Variants in DOCK8 observed in about 807,000 individuals in gnomAD.
DOCK8 encodes dedicator of cytokinesis 8.
DOCK8 carries 141 observed loss-of-function variants against 245.6 expected under a neutral mutation model. That is an observed-to-expected ratio of 0.57 (90% CI 0.50 to 0.66). The LOEUF (loss-of-function observed/expected upper bound fraction) is 0.66. DOCK8 is among the 30% of genes least tolerant of loss of function. The pLI, the probability that DOCK8 is intolerant of heterozygous loss-of-function variation, is 0.00. For missense variants in DOCK8, 2,965 were observed against 2,603.4 expected (o/e 1.14, Z -3.02); for synonymous variants, 1,168 against 970.2 (o/e 1.20, Z -3.79).
intron 1 of DOCK8, among the ~76,000 whole-genome samples, chr9:270,851 C>T (rs2034675104): frequency 6.6e-6 from 1 of 152,126 alleles, no homozygotes; most frequent in Admixed American, 6.5e-5. Flanking sequence ...CCTGAGAATC[C>T]AACCACCAAC....
chr9:336,955 G>A (rs2051340416), intron 12 of DOCK8, among the ~76,000 whole-genome samples: 1 of 152,162 alleles, frequency 6.6e-6, no homozygotes, highest in South Asian at 2.1e-4. Context: ...CACCCTTGGT[G>A]AGGGCTTTCT....
At chr9:400,810 CACCACCACCTCCACCATCACCAT>C (rs2054951255) in intron 26 of DOCK8, among the ~76,000 whole-genome samples, 1 of 108,792 alleles carries the variant, frequency 9.2e-6, no homozygotes, top group Admixed American at 9.6e-5. Flanking sequence ...CCTCCACCAT[CACCACCACCTCCACCATCACCAT>C]CACCACCACC....
Position 214,905 on chromosome 9 carries a change from T to C in DOCK8, c.-72T>C, listed in dbSNP as rs1421276324. 1 of 1,604,050 alleles carries C rather than the reference T, an allele frequency of 6.2e-7. No homozygotes were observed. Among genetic ancestry groups the C allele is most frequent in the Non-Finnish European group, 8.5e-7 (1 of 1,176,884 alleles). Reference sequence around the variant, plus strand: ...CGCTTGGCTGGGCATGTTCCGCGGCTACTCTGCGGCGCGCCAGGCCCCCGC... The same window carrying C: ...CGCTTGGCTGGGCATGTTCCGCGGCCACTCTGCGGCGCGCCAGGCCCCCGC... On this transcript the variant is annotated 5_prime_UTR_variant, in exon 1 of 48. Coordinates refer to ENST00000432829, the MANE Select transcript of DOCK8 (RefSeq NM_203447.4).
At chr9:267,406 A>T (rs1462358680) in intron 1 of DOCK8, among the ~76,000 whole-genome samples, 1 of 152,050 alleles carries the variant, frequency 6.6e-6, no homozygotes, top group Non-Finnish European at 1.5e-5. Context: ...GGGTTTCACC[A>T]TGTTGCCCAG....
In DOCK8 at chr9:400,061, CCTT is replaced by C. The variant is rs1341096550; in HGVS notation, c.3234+804_3234+806del. Among the ~76,000 whole-genome samples the C allele has an allele frequency of 5.3e-4, 48 of 90,978 alleles. 3 individuals carry two copies. Among genetic ancestry groups the C allele is most frequent in the African/African-American group, 1.6e-3 (24 of 15,072 alleles). The allele number at this position is 90,978 out of a possible 152,430, so 59.7% of individuals were successfully genotyped here. On this transcript the variant is annotated intron_variant, in intron 26 of 47. Transcript: ENST00000432829. ...ACCACCACCTCCACCATCACCACCTCCTTCACCATCACCATCACCACCACCTCC... is the reference window on the plus strand; with the variant it reads ...ACCACCACCTCCACCATCACCACCTCCACCATCACCATCACCACCACCTCC...
chr9:348,207 A>C (rs960273652), intron 14 of DOCK8, among the ~76,000 whole-genome samples: 2 of 152,184 alleles, frequency 1.3e-5, no homozygotes, highest in African/African-American at 2.4e-5. Flanking sequence ...TAAAGATCGA[A>C]ATCTTCTCAT....
intron 32 of DOCK8, 135 bp downstream of exon 32, chr9:421,213 TG>T: frequency 2.5e-6 from 3 of 1,214,560 alleles, no homozygotes; most frequent in Non-Finnish European, 3.6e-6. Flanking sequence ...CAGCGGATTC[TG>T]GGAGTCTGTG....
intron 18 of DOCK8, 65 bp from the exon 19 acceptor site, chr9:376,145 A>C: frequency 8.6e-7 from 1 of 1,156,728 alleles, no homozygotes; most frequent in Non-Finnish European, 1.3e-6. Flanking sequence ...GTTGGTCTGC[A>C]TTGCTTGTTA....
chr9:243,660 C>G (rs538094057), intron 1 of DOCK8, among the ~76,000 whole-genome samples: 20 of 151,476 alleles, frequency 1.3e-4, no homozygotes, highest in African/African-American at 4.7e-4. Flanking sequence ...TATGTTTTCC[C>G]TTCTTCCCTA....
intron 39 of DOCK8, among the ~76,000 whole-genome samples, chr9:435,385 TA>T (rs2131758727): frequency 6.6e-6 from 1 of 150,800 alleles, no homozygotes; most frequent in Admixed American, 6.6e-5. Flanking sequence ...AACCTCCCCG[TA>T]AAGCTGTGAG....
intron 14 of DOCK8, chr9:365,742 C>T: frequency 2.3e-6 from 1 of 428,896 alleles, no homozygotes. Context: ...CTCTCTGCCT[C>T]CAGAGAGAAC....
rs118088792 is a variant in DOCK8 at position 447,663 on chromosome 9, C to G, written c.5817+1057C>G. Among the ~76,000 whole-genome samples the G allele has an allele frequency of 1.2e-3, 177 of 152,326 alleles. 3 individuals carry two copies. In the East Asian group the frequency reaches 0.034, roughly 29 times the overall value. Reference sequence around the variant, plus strand: ...CCACACCCATGGTTCATCAGTTTCTCCATTATCTAATTAGATTGGGTCATT... The same window carrying G: ...CCACACCCATGGTTCATCAGTTTCTGCATTATCTAATTAGATTGGGTCATT... On this transcript the variant is annotated intron_variant, in intron 44 of 47. Coordinates refer to ENST00000432829, the MANE Select transcript of DOCK8 (RefSeq NM_203447.4).
At chr9:420,189 C>T in intron 30 of DOCK8, 1 of 617,500 alleles carries the variant, frequency 1.6e-6, no homozygotes, top group Non-Finnish European at 2.9e-6. Context: ...AGGTGAGCCT[C>T]TTTGCTGAGT....
At chr9:308,501 C>T (rs2049948547) in intron 5 of DOCK8, among the ~76,000 whole-genome samples, 1 of 152,142 alleles carries the variant, frequency 6.6e-6, no homozygotes, top group Non-Finnish European at 1.5e-5. Context: ...AATGGTGAGG[C>T]CACATAGCTA....
At chr9:335,481 G>A (rs1471890060) in intron 11 of DOCK8, among the ~76,000 whole-genome samples, 1 of 152,152 alleles carries the variant, frequency 6.6e-6, no homozygotes, top group Non-Finnish European at 1.5e-5. Flanking sequence ...GATTGCTGCT[G>A]CTATTTTGGA....
intron 1 of DOCK8, among the ~76,000 whole-genome samples, chr9:270,678 T>C (rs941798317): frequency 2.0e-5 from 3 of 152,238 alleles, no homozygotes; most frequent in Non-Finnish European, 4.4e-5. Flanking sequence ...AGTTACAATG[T>C]TTAAAAATTT....
At position 334,207 on chromosome 9, in the gene DOCK8, C is replaced by G. The variant is rs1418515204; in HGVS notation, c.1126-18C>G. 3 of 1,614,050 alleles carry G rather than the reference C, an allele frequency of 1.9e-6. No individual in the cohort carries two copies. Among genetic ancestry groups the G allele is most frequent in the Non-Finnish European group, 2.5e-6 (3 of 1,179,966 alleles). ...TGCTGATGCTTGTTTCAGCTTGTTTCTTTCCATTTTCCTCCAGAGTAAAGA... is the reference window on the plus strand; with the variant it reads ...TGCTGATGCTTGTTTCAGCTTGTTTGTTTCCATTTTCCTCCAGAGTAAAGA... On this transcript the variant is annotated intron_variant, in intron 10 of 47. Transcript: ENST00000432829.
intron 22 of DOCK8, among the ~76,000 whole-genome samples, chr9:384,602 A>G (rs897795405): frequency 6.6e-6 from 1 of 152,138 alleles, no homozygotes; most frequent in Non-Finnish European, 1.5e-5. Flanking sequence ...CTTAAGAACC[A>G]TCTACCCTGG....
chr9:361,960 C>T (rs2052752263), intron 14 of DOCK8, among the ~76,000 whole-genome samples: 1 of 152,174 alleles, frequency 6.6e-6, no homozygotes, highest in African/African-American at 2.4e-5. Context: ...TTGGCCATTT[C>T]ACTCATCTCA....
Sources: allele counts gnomAD v4.1 joint callset (sites outside exome capture counted in the v4.1 genomes callset), GRCh38; gene constraint gnomAD v4.1.1; transcripts MANE v1.5; gene names NCBI Gene and HGNC (gene_info 2026-07-23, HGNC 2026-07-21).